The following FAM227B variants were observed in gnomAD, a reference collection of about 807,000 sequenced individuals.
The protein encoded by FAM227B is protein FAM227B.
FAM227B carries 88 observed loss-of-function variants against 73.8 expected under a neutral mutation model. The ratio of observed to expected loss-of-function variants is 1.19; its 90% CI spans 1.00 to 1.42. The LOEUF is 1.42. Ranked by LOEUF, FAM227B falls within the 40% of genes most tolerant of loss-of-function variation. FAM227B has a pLI of 0.00. For synonymous variants in FAM227B, 210 were observed against 190.5 expected, an observed-to-expected ratio of 1.10 and a Z score of -0.84; for missense variants, 632 against 590.9, an observed-to-expected ratio of 1.07 and a Z score of -0.72.
intron 11 of FAM227B, among the ~76,000 whole-genome samples, chr15:49,405,818 G>T (rs2048471502): frequency 6.6e-6 from 1 of 152,158 alleles, no homozygotes; most frequent in South Asian, 2.1e-4. Context: ...AGCAAAGAAG[G>T]CACTCTGGCT....
At chr15:49,497,178 C>T (rs1027283660) in intron 11 of FAM227B, among the ~76,000 whole-genome samples, 1 of 152,188 alleles carries the variant, frequency 6.6e-6, no homozygotes, top group African/African-American at 2.4e-5. Flanking sequence ...GTATGACCTG[C>T]TCAAAGACAT....
At chr15:49,489,254 C>G (rs539974922) in intron 11 of FAM227B, 1 of 985,056 alleles carries the variant, frequency 1.0e-6, no homozygotes, top group South Asian at 4.7e-5. Flanking sequence ...CTGCCATAAA[C>G]TGGGATTCTA....
In FAM227B at chr15:49,483,344, T is replaced by C. The variant is rs531831948; in HGVS notation, c.1012+24867A>G. 6.7e-5 allele frequency: 46 copies of C among 689,070 alleles called. No homozygotes were observed. In the East Asian group the frequency reaches 1.1e-3, roughly 16 times the overall value. 42.7% of individuals were successfully genotyped at this position (689,070 alleles called of 1,614,324 possible). The stretch of plus-strand genomic sequence containing the variant: ...TCTGAAAAGTAAAAATGGAATTAAT[T>C]TATCTCCAACTGTATAATTTAATGA... On this transcript the variant is annotated intron_variant, in intron 11 of 15. Coordinates refer to ENST00000299338, the MANE Select transcript of FAM227B (RefSeq NM_152647.3).
intron 10 of FAM227B, among the ~76,000 whole-genome samples, chr15:49,537,593 A>G (rs1411163160): frequency 6.6e-6 from 1 of 152,168 alleles, no homozygotes; most frequent in Non-Finnish European, 1.5e-5. Context: ...TGAAATCACC[A>G]TATCATAAGG....
intron 13 of FAM227B, among the ~76,000 whole-genome samples, chr15:49,364,335 A>G (rs1271820816): frequency 2.0e-5 from 3 of 151,970 alleles, no homozygotes. Flanking sequence ...TCCTAGTTCA[A>G]TCTTAGTAGG....
At chr15:49,388,506 AT>A (rs1175513887) in intron 11 of FAM227B, among the ~76,000 whole-genome samples, 1 of 152,038 alleles carries the variant, frequency 6.6e-6, no homozygotes, top group East Asian at 1.9e-4. Flanking sequence ...AATGAGTCAA[AT>A]ATAGGACCTG....
intron 3 of FAM227B, among the ~76,000 whole-genome samples, chr15:49,605,390 A>C (rs2077451519): frequency 6.6e-6 from 1 of 152,126 alleles, no homozygotes; most frequent in Non-Finnish European, 1.5e-5. Context: ...AGTGGTCCTG[A>C]GTCCTAGGCT....
At chr15:49,415,949 T>C (rs1338637912) in intron 11 of FAM227B, among the ~76,000 whole-genome samples, 1 of 152,184 alleles carries the variant, frequency 6.6e-6, no homozygotes, top group Non-Finnish European at 1.5e-5. Flanking sequence ...AAGTTTGGGT[T>C]GACGTGTCCA....
chr15:49,612,039 T>C (rs2077962495), intron 2 of FAM227B, among the ~76,000 whole-genome samples: 1 of 151,980 alleles, frequency 6.6e-6, no homozygotes, highest in Admixed American at 6.6e-5. Flanking sequence ...TTTTCTTTTT[T>C]TTTTTTTTTA....
At chr15:49,428,278 C>T (rs2050298668) in intron 11 of FAM227B, among the ~76,000 whole-genome samples, 1 of 151,898 alleles carries the variant, frequency 6.6e-6, no homozygotes. Flanking sequence ...AGTGGGTTTC[C>T]AGGTGATGAA....
At chr15:49,363,710 A>G (rs1253545553) in intron 13 of FAM227B, among the ~76,000 whole-genome samples, 2 of 152,116 alleles carry the variant, frequency 1.3e-5, no homozygotes, top group Admixed American at 6.5e-5. Context: ...CTGGTTTCCA[A>G]GGTGAATACT....
intron 13 of FAM227B, among the ~76,000 whole-genome samples, chr15:49,336,329 A>G (rs538739018): frequency 6.6e-6 from 1 of 152,286 alleles, no homozygotes; most frequent in African/African-American, 2.4e-5. Context: ...CTTGGCCTTA[A>G]CCCATGCCTG....
In FAM227B at chr15:49,327,959, G is replaced by C. The variant is rs2037821629; in HGVS notation, c.*609C>G. 7 of 1,607,628 alleles carry C rather than the reference G, an allele frequency of 4.4e-6. No individual in the cohort carries two copies. Among genetic ancestry groups the C allele is most frequent in the African/African-American group, 1.3e-5 (1 of 74,670 alleles). ...TTTTCCTCACTGTTTTAGGAAGTTTGGGGCTCAAGGGTCACGACTTACTGG... is the reference window on the plus strand; with the variant it reads ...TTTTCCTCACTGTTTTAGGAAGTTTCGGGCTCAAGGGTCACGACTTACTGG... On this transcript the variant is annotated 3_prime_UTR_variant, in exon 16 of 16. Transcript: ENST00000299338.
chr15:49,604,092 T>C (rs1030231609), intron 3 of FAM227B, among the ~76,000 whole-genome samples: 10 of 152,222 alleles, frequency 6.6e-5, no homozygotes, highest in African/African-American at 2.4e-4. Flanking sequence ...TTAACTCTTA[T>C]AATAGAGTTA....
intron 5 of FAM227B, among the ~76,000 whole-genome samples, chr15:49,583,801 G>A (rs1455824131): frequency 6.6e-6 from 1 of 152,072 alleles, no homozygotes; most frequent in Non-Finnish European, 1.5e-5. Flanking sequence ...ACCCTCCCAA[G>A]ACTGAGCCAA....
intron 11 of FAM227B, among the ~76,000 whole-genome samples, chr15:49,410,466 T>G (rs1021546180): frequency 1.3e-5 from 2 of 152,128 alleles, no homozygotes; most frequent in African/African-American, 4.8e-5. Context: ...TTGTCTTCTT[T>G]TTTCAGTACA....
At chr15:49,446,963 C>G (rs2052277842) in intron 11 of FAM227B, among the ~76,000 whole-genome samples, 1 of 151,406 alleles carries the variant, frequency 6.6e-6, no homozygotes, top group Admixed American at 6.6e-5. Flanking sequence ...TCCAGAAGTT[C>G]TGAAGTTTCT....
At chr15:49,427,559 T>A (rs75773642) in intron 11 of FAM227B, among the ~76,000 whole-genome samples, 3,521 of 152,100 alleles carry the variant, frequency 0.023, 87 homozygotes, top group South Asian at 0.13. Flanking sequence ...AAATTTTACA[T>A]GAAAAGTAAT....
Position 49,524,396 on chromosome 15 carries a change from G to T in FAM227B, c.875-16048C>A, listed in dbSNP as rs557937868. Among the ~76,000 whole-genome samples, 4 of 152,322 alleles carry T rather than the reference G, an allele frequency of 2.6e-5. No homozygotes were observed. In the East Asian group the frequency reaches 7.7e-4, roughly 29 times the overall value. On this transcript the variant is annotated intron_variant, in intron 10 of 15. Coordinates refer to ENST00000299338, the MANE Select transcript of FAM227B (RefSeq NM_152647.3). ...GTGGTGTTGAGCCTGCAGGTGCACA[G>T]AAGTCAAGAATTGAGGTTTGGGAAC...
Sources: gnomAD v4.1 joint callset for allele counts (sites outside exome capture counted in the v4.1 genomes callset) on GRCh38, gnomAD v4.1.1 for gene constraint, MANE v1.5 for transcripts, NCBI Gene and HGNC (gene_info 2026-07-23, HGNC 2026-07-21) for gene names.